PCDHA5: variants seen among roughly 807,000 people sequenced by gnomAD.
PCDHA5 encodes the protein protocadherin alpha-5.
In PCDHA5, 43 loss-of-function variants were observed where a neutral mutation model predicts 61.6. The observed-to-expected ratio is 0.70, with a 90% CI of 0.55 to 0.90. The LOEUF is 0.90. Ranked by LOEUF, PCDHA5 falls within the 40% of genes least tolerant of loss-of-function variation. The pLI, the probability that PCDHA5 is intolerant of heterozygous loss-of-function variation, is 0.00. For synonymous variants in PCDHA5, 627 were observed against 543.9 expected, an observed-to-expected ratio of 1.15 and a Z score of -2.13; for missense variants, 1,298 against 1,222.7, an observed-to-expected ratio of 1.06 and a Z score of -0.92.
chr5:140,902,465 T>C (rs535908878), intron 1 of PCDHA5, among the ~76,000 whole-genome samples: 4 of 152,280 alleles, frequency 2.6e-5, no homozygotes, highest in Non-Finnish European at 4.4e-5. Flanking sequence ...AGAAAAGGCT[T>C]TGAGTTTTTG....
chr5:140,943,505 T>C (rs938907371), intron 1 of PCDHA5, among the ~76,000 whole-genome samples: 13 of 152,106 alleles, frequency 8.5e-5, no homozygotes, highest in Non-Finnish European at 1.8e-4. Flanking sequence ...TCAAGGTTCA[T>C]GGAAATGTTG....
At chr5:140,830,050 C>A (rs1770777643) in intron 1 of PCDHA5, 1 of 1,613,786 alleles carries the variant, frequency 6.2e-7, no homozygotes, top group Non-Finnish European at 8.5e-7. Flanking sequence ...TGGTGAAAGA[C>A]CACGGTGAGC....
At chr5:140,964,548 G>C (rs1468417797) in intron 1 of PCDHA5, among the ~76,000 whole-genome samples, 1 of 152,102 alleles carries the variant, frequency 6.6e-6, no homozygotes, top group East Asian at 1.9e-4. Context: ...AGATGGCAGC[G>C]ACTTGGAGGG....
In PCDHA5 at chr5:140,927,075, C is replaced by T. The variant is rs1304732952; in HGVS notation, c.2353-51874C>T. On this transcript the variant is annotated intron_variant, in intron 1 of 3. Transcript: ENST00000529859. ...GGAACTTTCGCTTCCTTTCCAGCCA[C>T]CGCGAGCTCTACTTCGGGGTGGATC... 2.5e-6 allele frequency: 4 copies of T among 1,611,188 alleles called. No homozygotes were observed. In the Admixed American group the frequency reaches 5.0e-5, roughly 20 times the overall value.
At chr5:140,854,204 A>G in intron 1 of PCDHA5, 1 of 510,702 alleles carries the variant, frequency 2.0e-6, no homozygotes, top group Non-Finnish European at 2.5e-6. Flanking sequence ...CCTACTTTTT[A>G]TTCAATATTG....
At chr5:140,959,544 T>C (rs2095494180) in intron 1 of PCDHA5, among the ~76,000 whole-genome samples, 1 of 152,208 alleles carries the variant, frequency 6.6e-6, no homozygotes, top group Non-Finnish European at 1.5e-5. Context: ...AGAGATGCTG[T>C]ATAAATAGAA....
chr5:140,837,954 C>T (rs1258074130), intron 1 of PCDHA5, among the ~76,000 whole-genome samples: 1 of 151,820 alleles, frequency 6.6e-6, no homozygotes, highest in Non-Finnish European at 1.5e-5. Context: ...ATTGGGATTA[C>T]AGACACGAAC....
At chr5:140,964,961 G>A (rs552220130) in intron 1 of PCDHA5, among the ~76,000 whole-genome samples, 1 of 152,320 alleles carries the variant, frequency 6.6e-6, no homozygotes, top group Non-Finnish European at 1.5e-5. Context: ...TTGGTTGGTG[G>A]AACGAAGGGA....
intron 1 of PCDHA5, among the ~76,000 whole-genome samples, chr5:140,844,545 C>G (rs979935361): frequency 6.7e-6 from 1 of 149,334 alleles, no homozygotes; most frequent in South Asian, 2.1e-4. Context: ...ACCCTTTGTT[C>G]ATGAGTTGGA....
chr5:140,857,769 G>A, intron 1 of PCDHA5: 1 of 1,597,600 alleles, frequency 6.3e-7, no homozygotes, highest in Non-Finnish European at 8.6e-7. Context: ...AGCGCGGGCG[G>A]TGCAGTCAGT....
chr5:140,946,782 C>T (rs1225488337), intron 1 of PCDHA5, among the ~76,000 whole-genome samples: 1 of 151,104 alleles, frequency 6.6e-6, no homozygotes, highest in African/African-American at 2.4e-5. Flanking sequence ...TGTAAAAAAG[C>T]TGATCTTATA....
chr5:140,988,673 A>G (rs2153876025), intron 3 of PCDHA5, among the ~76,000 whole-genome samples: 1 of 152,344 alleles, frequency 6.6e-6, no homozygotes, highest in South Asian at 2.1e-4. Context: ...AGACTCTAAG[A>G]TAATTCTTTC....
intron 1 of PCDHA5, among the ~76,000 whole-genome samples, chr5:140,889,804 G>A (rs940898112): frequency 1.3e-5 from 2 of 152,112 alleles, no homozygotes; most frequent in African/African-American, 2.4e-5. Context: ...TGGGATTTAT[G>A]AAGTCAGGTC....
intron 1 of PCDHA5, among the ~76,000 whole-genome samples, chr5:140,936,879 C>A (rs2091197572): frequency 6.6e-6 from 1 of 152,054 alleles, no homozygotes; most frequent in African/African-American, 2.4e-5. Flanking sequence ...AAAAACCCTG[C>A]TTTGATTTTA....
intron 1 of PCDHA5, among the ~76,000 whole-genome samples, chr5:140,959,555 T>A (rs538493851): frequency 1.3e-5 from 2 of 152,118 alleles, no homozygotes; most frequent in African/African-American, 4.8e-5. Flanking sequence ...ATAAATAGAA[T>A]CAGTACTAGA....
At chr5:140,856,326 A>G in intron 1 of PCDHA5, 1 of 1,598,548 alleles carries the variant, frequency 6.3e-7, no homozygotes, top group Non-Finnish European at 8.6e-7. Context: ...GACCGCGAGG[A>G]GCTGTGCGGG....
intron 1 of PCDHA5, chr5:140,884,430 T>C: frequency 1.9e-6 from 3 of 1,613,922 alleles, no homozygotes; most frequent in Non-Finnish European, 2.5e-6. Context: ...TATACTGCGC[T>C]GCGGTGCTCG....
intron 1 of PCDHA5, chr5:140,829,297 G>C: frequency 1.9e-6 from 3 of 1,614,238 alleles, no homozygotes; most frequent in Non-Finnish European, 8.5e-7. Context: ...CCACCTTCAA[G>C]AATTACTACT....
Position 140,824,014 on chromosome 5 carries a change from TG to T in PCDHA5, c.2241del (p.Trp747CysfsTer52), listed in dbSNP as rs2150131529. On this transcript the variant is annotated frameshift_variant, in exon 1 of 4. Transcript: ENST00000529859. LOFTEE classifies it high-confidence loss of function. The stretch of plus-strand genomic sequence containing the variant: ...GTTGTGCTCCAGCGCGGTGGGGAGC[TG>T]GTCGTACTCGCAGCAGAGGAGACAG... The part of the protein sequence containing the change: ...TLLCSSAVGS[W>X]SYSQQRRQRV... The T allele has an allele frequency of 3.7e-6, 6 of 1,614,050 alleles. No homozygotes were observed. The South Asian group carries it at 5.5e-5, about 15-fold the overall frequency.
Sources: allele counts gnomAD v4.1 joint callset (sites outside exome capture counted in the v4.1 genomes callset), GRCh38; gene constraint gnomAD v4.1.1; transcripts MANE v1.5; gene names NCBI Gene and HGNC (gene_info 2026-07-23, HGNC 2026-07-21).